ABHD3: variants seen among roughly 807,000 people sequenced by gnomAD.
The protein encoded by ABHD3 is phospholipase ABHD3.
Under a neutral mutation model 48.8 loss-of-function variants are expected in ABHD3, and 46 were observed. That is an observed-to-expected ratio of 0.94 (90% confidence interval 0.74 to 1.20). The LOEUF (loss-of-function observed/expected upper bound fraction) is 1.20. Among genes scored for constraint, ABHD3 ranks in the 50% most tolerant of loss-of-function variants. The probability of loss-of-function intolerance (pLI) is 0.00; values close to 1 mark genes in which losing one functional copy is unlikely to be tolerated. For missense variants in ABHD3, 490 were observed against 497.8 expected (o/e 0.98, Z 0.15); for synonymous variants, 192 against 183.7 (o/e 1.04, Z -0.36).
chr18:21,663,658 A>G, intron 5 of ABHD3: 1 of 1,535,226 alleles, frequency 6.5e-7, no homozygotes, highest in Non-Finnish European at 8.7e-7. Context: ...GCAACAAAAC[A>G]AAACAAAACA....
chr18:21,663,201 T>C (rs1212090289), intron 5 of ABHD3, among the ~76,000 whole-genome samples: 1 of 152,150 alleles, frequency 6.6e-6, no homozygotes, highest in Non-Finnish European at 1.5e-5. Context: ...TTTAAAAAAA[T>C]TAAAATTTTT....
chr18:21,655,505 C>T (rs1172896457), intron 8 of ABHD3, among the ~76,000 whole-genome samples: 1 of 151,964 alleles, frequency 6.6e-6, no homozygotes, highest in Non-Finnish European at 1.5e-5. Context: ...CAGGCTGCTC[C>T]TTATCTTTGT....
intron 3 of ABHD3, among the ~76,000 whole-genome samples, chr18:21,699,594 C>A (rs2040461188): frequency 6.6e-6 from 1 of 152,184 alleles, no homozygotes; most frequent in South Asian, 2.1e-4. Flanking sequence ...TGACTCTGGG[C>A]TGATCATGTG....
At chr18:21,653,713 T>G (rs1217131015) in intron 8 of ABHD3, among the ~76,000 whole-genome samples, 1 of 144,804 alleles carries the variant, frequency 6.9e-6, no homozygotes, top group Non-Finnish European at 1.5e-5. Context: ...ATAGCGAGAC[T>G]GACCGTGTCT....
chr18:21,676,193 C>T (rs1415214128), intron 4 of ABHD3, among the ~76,000 whole-genome samples: 1 of 152,160 alleles, frequency 6.6e-6, no homozygotes, highest in African/African-American at 2.4e-5. Flanking sequence ...TTATAGCCAT[C>T]ATGATGTGTA....
chr18:21,651,701 CT>C lies in ABHD3; in HGVS notation c.1119del (p.Gly374AlafsTer39), dbSNP rs2039226136. 2 of 1,610,356 alleles carry C rather than the reference CT, an allele frequency of 1.2e-6. No homozygotes were observed. Among genetic ancestry groups the C allele is most frequent in the Non-Finnish European group, 8.5e-7 (1 of 1,178,658 alleles). On this transcript the variant is annotated frameshift_variant, in exon 9 of 9. Coordinates refer to ENST00000289119, the MANE Select transcript of ABHD3 (RefSeq NM_138340.5). LOFTEE classifies it high-confidence loss of function. ...PNVALVLTSY[G>X]GHIGFLEGIW... ...ATTCCCTCCAGAAAACCAATATGGC[CT>C]CCATAAGAAGTAAGGACCAAAGCAA...
chr18:21,702,475 C>T lies in ABHD3; in HGVS notation c.350G>A (p.Gly117Glu), dbSNP rs1912206707. ...AAACCAGTCCAGTGAAATCTGTCCT[C>T]CATCTGCAGTTTTAATAAGTTCACT... is the stretch of plus-strand genomic sequence containing the variant. ...YRNELIKTAD[G>E]GQISLDWFDN... Residue 117 changes from glycine (G) to glutamate (E), a missense_variant, in exon 3 of 9, where the codon GGA becomes GAA. Physicochemically the swap from Gly to Glu is moderately conservative, Grantham distance 98 (BLOSUM62 -2). Transcript: ENST00000289119. 6.2e-7 allele frequency: 1 copy of T among 1,603,200 alleles called. No homozygotes were observed. The highest frequency in any genetic ancestry group is 1.1e-5 in the South Asian group (1 of 89,402).
At chr18:21,654,523 C>T (rs9967254) in intron 8 of ABHD3, among the ~76,000 whole-genome samples, 3,073 of 152,232 alleles carry the variant, frequency 0.02, 114 homozygotes, top group African/African-American at 0.07. Context: ...TAGCCACGTC[C>T]GTCCCAAGAA....
chr18:21,654,197 A>G (rs2039293791), intron 8 of ABHD3, among the ~76,000 whole-genome samples: 1 of 152,054 alleles, frequency 6.6e-6, no homozygotes, highest in South Asian at 2.1e-4. Flanking sequence ...CAGTCTGGGC[A>G]ACAGAGCAAG....
In ABHD3 at chr18:21,704,597, G is replaced by C; in HGVS notation, c.69C>G (p.Val23=). 1 of 1,554,880 alleles carries C rather than the reference G, an allele frequency of 6.4e-7. No homozygotes were observed. Among genetic ancestry groups the C allele is most frequent in the Non-Finnish European group, 8.7e-7 (1 of 1,153,240 alleles). Residue 23 remains valine (V), a synonymous_variant, in exon 1 of 9, where the codon GTC becomes GTG. Coordinates refer to ENST00000289119, the MANE Select transcript of ABHD3 (RefSeq NM_138340.5). Reference sequence around the variant, plus strand: ...CCCCCGAGCCGAAGAACCCCACCCGGACTTGGTGTTCCAGGTAGAGGGAGA... The same window carrying C: ...CCCCCGAGCCGAAGAACCCCACCCGCACTTGGTGTTCCAGGTAGAGGGAGA... ...RELSLYLEHQ[V]RVGFFGSGVG...
chr18:21,663,030 T>C (rs551633990), intron 5 of ABHD3, among the ~76,000 whole-genome samples: 1 of 152,262 alleles, frequency 6.6e-6, no homozygotes, highest in South Asian at 2.1e-4. Context: ...TTTTCTCCAT[T>C]GATTGAGATT....
rs2040603541 is a variant in ABHD3, at chr18:21,704,760, A to G, written c.-95T>C. 1.9e-6 allele frequency: 2 copies of G among 1,040,728 alleles called. No homozygotes were observed. Among genetic ancestry groups the G allele is most frequent in the South Asian group, 6.0e-5 (2 of 33,498 alleles). 64.5% of individuals were successfully genotyped at this position (1,040,728 alleles called of 1,614,324 possible). On this transcript the variant is annotated 5_prime_UTR_variant, in exon 1 of 9. Coordinates refer to ENST00000289119, the MANE Select transcript of ABHD3 (RefSeq NM_138340.5). ...GAGAGCGGACGCGGCGCCGCTGCCT[A>G]CTCCCGACCACAGTGTCTCCTGCCT...
chr18:21,672,153 G>A (rs1241795444), intron 4 of ABHD3, among the ~76,000 whole-genome samples: 1 of 152,058 alleles, frequency 6.6e-6, no homozygotes, highest in Non-Finnish European at 1.5e-5. Flanking sequence ...TCTTGTACCA[G>A]ATTTAGAAAA....
At chr18:21,692,035 T>C (rs955890418) in intron 3 of ABHD3, among the ~76,000 whole-genome samples, 2 of 152,212 alleles carry the variant, frequency 1.3e-5, no homozygotes, top group African/African-American at 4.8e-5. Context: ...CACTGCAACC[T>C]GTCTCCCAGG....
At position 21,696,514 on chromosome 18, in the gene ABHD3, C is replaced by T. The variant is rs149718720; in HGVS notation, c.509+5802G>A. ...AAAATGGTAAAAGGATTTAAGAAAA[C>T]AAGATATTATTAATGTACATAAAAT... On this transcript the variant is annotated intron_variant, in intron 3 of 8. Transcript: ENST00000289119. Among the ~76,000 whole-genome samples the T allele has an allele frequency of 3.3e-3, 502 of 152,110 alleles. 3 individuals are homozygous for T. The highest frequency in any genetic ancestry group is 3.4e-3 in the Non-Finnish European group (232 of 68,004).
At chr18:21,700,208 G>C (rs2040476861) in intron 3 of ABHD3, among the ~76,000 whole-genome samples, 1 of 151,634 alleles carries the variant, frequency 6.6e-6, no homozygotes, top group Non-Finnish European at 1.5e-5. Context: ...TCCTGCCTCA[G>C]CCTCCCGAAT....
chr18:21,679,359 A>G (rs946265881), intron 4 of ABHD3, among the ~76,000 whole-genome samples: 4 of 152,226 alleles, frequency 2.6e-5, no homozygotes, highest in African/African-American at 9.6e-5. Context: ...AGTAATAAGG[A>G]TGTAGAATAA....
At chr18:21,657,203 C>A in intron 6 of ABHD3, 51 bp from the exon 7 acceptor site, 1 of 1,530,802 alleles carries the variant, frequency 6.5e-7, no homozygotes, top group South Asian at 1.3e-5. Context: ...CCTACTCCAT[C>A]ATACTAAAAG....
chr18:21,664,854 T>C (rs1257523128), intron 4 of ABHD3, among the ~76,000 whole-genome samples: 1 of 152,186 alleles, frequency 6.6e-6, no homozygotes, highest in African/African-American at 2.4e-5. Context: ...AGGTTGGTCT[T>C]GAACTCCTGG....
Sources: allele counts gnomAD v4.1 joint callset (sites outside exome capture counted in the v4.1 genomes callset), GRCh38; gene constraint gnomAD v4.1.1; transcripts MANE v1.5; gene names NCBI Gene and HGNC (gene_info 2026-07-23, HGNC 2026-07-21).